METTL15: variants seen among roughly 807,000 people sequenced by gnomAD.
The protein encoded by METTL15 is methyltransferase 15, mitochondrial 12S rRNA N4-cytidine, also known as 12S rRNA N(4)-cytidine methyltransferase METTL15.
A neutral mutation model predicts 38.3 loss-of-function variants in METTL15; 34 were observed. The ratio of observed to expected loss-of-function variants is 0.89; its 90% CI spans 0.68 to 1.18. The LOEUF (loss-of-function observed/expected upper bound fraction) is 1.18, where lower values mean the gene tolerates loss of function less well. Ranked by LOEUF, METTL15 falls within the 50% of genes most tolerant of loss-of-function variation. The probability of loss-of-function intolerance (pLI) is 0.00; values close to 1 mark genes in which losing one functional copy is unlikely to be tolerated. For missense variants in METTL15, 438 were observed against 498.4 expected (o/e 0.88, Z 1.15); for synonymous variants, 162 against 170.9 (o/e 0.95, Z 0.41).
chr11:28,256,969 G>A (rs1175040043), intron 4 of METTL15, among the ~76,000 whole-genome samples: 5 of 152,030 alleles, frequency 3.3e-5, no homozygotes, highest in African/African-American at 1.2e-4. Context: ...GGCCATTTAG[G>A]AGTATATTTT....
chr11:28,474,004 C>T (rs1851324282), intron 6 of METTL15, among the ~76,000 whole-genome samples: 1 of 151,982 alleles, frequency 6.6e-6, no homozygotes, highest in Admixed American at 6.6e-5. Context: ...GTGAAAGACT[C>T]TAGAGTATGT....
intron 3 of METTL15, among the ~76,000 whole-genome samples, chr11:28,151,654 AC>A (rs1052708875): frequency 2.0e-5 from 3 of 151,936 alleles, no homozygotes; most frequent in African/African-American, 7.3e-5. Context: ...TGGAGTTATT[AC>A]ACTTTTTGTA....
chr11:28,217,859 A>C (rs549504149), intron 4 of METTL15, among the ~76,000 whole-genome samples: 18 of 152,302 alleles, frequency 1.2e-4, no homozygotes, highest in Middle Eastern at 3.4e-3. Flanking sequence ...GTCAAAGATC[A>C]GATAGTTGTA....
At chr11:28,313,711 A>G (rs1857384743) in intron 6 of METTL15, among the ~76,000 whole-genome samples, 1 of 151,912 alleles carries the variant, frequency 6.6e-6, no homozygotes, top group African/African-American at 2.4e-5. Context: ...TATTACTTAA[A>G]TTTTATGCCA....
At chr11:28,115,264 CTT>C (rs567519935) in intron 3 of METTL15, among the ~76,000 whole-genome samples, 1 of 146,392 alleles carries the variant, frequency 6.8e-6, no homozygotes, top group Non-Finnish European at 1.5e-5. Context: ...TTCTCGTTTT[CTT>C]TTTTTTTTTG....
chr11:28,138,494 A>G (rs1849588378), intron 3 of METTL15, among the ~76,000 whole-genome samples: 1 of 152,258 alleles, frequency 6.6e-6, no homozygotes. Flanking sequence ...AATCAAGGTT[A>G]TGGCTTAACT....
At position 28,356,743 on chromosome 11, in the gene METTL15, T is replaced by A. The variant is rs769423364; in HGVS notation, c.*258+4585T>A. ...ACAAAAACACCATTTGAATTATGTC[T>A]TTTCATAGGACAAGCTGAAATTATT... On this transcript the variant is annotated intron_variant and NMD_transcript_variant, in intron 4 of 7. Transcript: ENST00000532947. Among the ~76,000 whole-genome samples, 7 of 152,348 alleles carry A rather than the reference T, an allele frequency of 4.6e-5. No homozygotes were observed. In the South Asian group the frequency reaches 1.2e-3, roughly 27 times the overall value.
chr11:28,248,348 G>A (rs1010183025), intron 4 of METTL15, among the ~76,000 whole-genome samples: 1 of 152,034 alleles, frequency 6.6e-6, no homozygotes, highest in African/African-American at 2.4e-5. Flanking sequence ...GAAAGTTGGG[G>A]TAATTTTTGG....
intron 4 of METTL15, among the ~76,000 whole-genome samples, chr11:28,286,464 G>A (rs1856265820): frequency 6.6e-6 from 1 of 152,136 alleles, no homozygotes; most frequent in African/African-American, 2.4e-5. Context: ...AGAATTGACA[G>A]ATTGGAAACT....
At chr11:28,262,988 C>A (rs906934904) in intron 4 of METTL15, among the ~76,000 whole-genome samples, 1 of 151,936 alleles carries the variant, frequency 6.6e-6, no homozygotes, top group Non-Finnish European at 1.5e-5. Context: ...GTACTTCAAT[C>A]CATGTCTGTT....
intron 5 of METTL15, among the ~76,000 whole-genome samples, chr11:28,417,626 G>T (rs984088157): frequency 2.0e-5 from 3 of 152,184 alleles, no homozygotes; most frequent in Non-Finnish European, 4.4e-5. Context: ...TATGTTTGAG[G>T]TTGGAGTGGC....
At chr11:28,140,385 G>T (rs1321398496) in intron 3 of METTL15, among the ~76,000 whole-genome samples, 1 of 152,098 alleles carries the variant, frequency 6.6e-6, no homozygotes, top group African/African-American at 2.4e-5. Context: ...GGGGTTTTTG[G>T]GGGTACTCTC....
intron 4 of METTL15, among the ~76,000 whole-genome samples, chr11:28,266,258 A>G (rs1015838715): frequency 1.3e-5 from 2 of 152,210 alleles, no homozygotes; most frequent in African/African-American, 4.8e-5. Context: ...ACACATGCAC[A>G]TGTATGTTTA....
chr11:28,504,232 GA>G (rs1167845094), intron 6 of METTL15, among the ~76,000 whole-genome samples: 3 of 139,450 alleles, frequency 2.2e-5, no homozygotes, highest in African/African-American at 5.2e-5. Flanking sequence ...AGGGAGAAAA[GA>G]AAAAAAAATT....
At chr11:28,491,203 G>A (rs1177809366) in intron 6 of METTL15, among the ~76,000 whole-genome samples, 1 of 152,140 alleles carries the variant, frequency 6.6e-6, no homozygotes, top group East Asian at 1.9e-4. Flanking sequence ...CAAGGACATA[G>A]AGTGGAAGGA....
intron 4 of METTL15, among the ~76,000 whole-genome samples, chr11:28,279,294 A>T (rs1308097560): frequency 6.6e-6 from 1 of 151,966 alleles, no homozygotes; most frequent in African/African-American, 2.4e-5. Context: ...TGATACTAAC[A>T]TTCGAATTGT....
chr11:28,313,905 T>A (rs12791341), intron 6 of METTL15, among the ~76,000 whole-genome samples: 1 of 151,926 alleles, frequency 6.6e-6, no homozygotes, highest in African/African-American at 2.4e-5. Flanking sequence ...ATAGCACATA[T>A]ATGCCTTTAG....
intron 4 of METTL15, among the ~76,000 whole-genome samples, chr11:28,227,788 T>C (rs1249825395): frequency 1.3e-5 from 2 of 151,888 alleles, no homozygotes; most frequent in African/African-American, 4.8e-5. Context: ...GAGGGCAAAA[T>C]TGGAAAGGAT....
chr11:28,531,976 C>T (rs1472197538), downstream of METTL15, among the ~76,000 whole-genome samples: 1 of 152,004 alleles, frequency 6.6e-6, no homozygotes, highest in African/African-American at 2.4e-5. Context: ...GAAAATACCA[C>T]ATTAGGTAAA....
Sources: allele counts gnomAD v4.1 joint callset (sites outside exome capture counted in the v4.1 genomes callset), GRCh38; gene constraint gnomAD v4.1.1; transcripts MANE v1.5; gene names NCBI Gene and HGNC (gene_info 2026-07-23, HGNC 2026-07-21).